GRID1: variants seen among roughly 807,000 people sequenced by gnomAD.
The protein encoded by GRID1 is glutamate ionotropic receptor delta type subunit 1, also known as glutamate receptor ionotropic, delta-1.
Under a neutral mutation model 98.0 loss-of-function variants are expected in GRID1, and 28 were observed. The observed-to-expected ratio is 0.29, with a 90% CI of 0.21 to 0.39. The LOEUF (loss-of-function observed/expected upper bound fraction) is 0.39. GRID1 is among the 10% of genes least tolerant of loss of function. GRID1 has a pLI of 1.00. For missense variants in GRID1, 1,111 were observed against 1,340.5 expected (o/e 0.83, Z 2.67); for synonymous variants, 553 against 538.5 (o/e 1.03, Z -0.37).
At chr10:85,787,432 C>A (rs2132735190) in intron 8 of GRID1, among the ~76,000 whole-genome samples, 1 of 152,236 alleles carries the variant, frequency 6.6e-6, no homozygotes, top group Admixed American at 6.5e-5. Flanking sequence ...TAGCTCCTGC[C>A]ATGTCCTGGG....
chr10:86,095,224 AAACCT>A (rs1844204326), intron 4 of GRID1, among the ~76,000 whole-genome samples: 1 of 152,232 alleles, frequency 6.6e-6, no homozygotes, highest in South Asian at 2.1e-4. Context: ...TTAAGGACTT[AAACCT>A]AAGACCTGAA....
chr10:85,800,160 C>CAAA (rs55648626), intron 8 of GRID1, among the ~76,000 whole-genome samples: 4 of 146,796 alleles, frequency 2.7e-5, no homozygotes, highest in African/African-American at 9.9e-5. Flanking sequence ...TATAGAATTA[C>CAAA]AAAAAAAAAA....
chr10:85,753,055 G>A (rs866710946), intron 8 of GRID1, among the ~76,000 whole-genome samples: 7 of 152,090 alleles, frequency 4.6e-5, no homozygotes, highest in Non-Finnish European at 4.4e-5. Context: ...TCCACAGATC[G>A]GTGCCAGCCT....
At chr10:85,639,639 C>T (rs150450829) in intron 13 of GRID1, among the ~76,000 whole-genome samples, 2,739 of 152,108 alleles carry the variant, frequency 0.018, 33 homozygotes, top group Middle Eastern at 0.048. Flanking sequence ...TTTGGGAGGC[C>T]GAGGCAGGCA....
intron 4 of GRID1, among the ~76,000 whole-genome samples, chr10:86,062,931 C>A (rs1843669030): frequency 6.6e-6 from 1 of 152,254 alleles, no homozygotes; most frequent in South Asian, 2.1e-4. Flanking sequence ...CAGGACCCCT[C>A]TCCCCTTGCC....
At chr10:85,795,337 A>G (rs1271356613) in intron 8 of GRID1, among the ~76,000 whole-genome samples, 1 of 152,192 alleles carries the variant, frequency 6.6e-6, no homozygotes, top group African/African-American at 2.4e-5. Context: ...CTCCCCAAAC[A>G]TATGACAGCA....
At chr10:85,626,695 A>G (rs1458292579) in intron 13 of GRID1, among the ~76,000 whole-genome samples, 1 of 152,150 alleles carries the variant, frequency 6.6e-6, no homozygotes, top group Non-Finnish European at 1.5e-5. Context: ...TCCTATAGTC[A>G]CGTTCATTCA....
At chr10:85,610,067 G>T (rs1195227959) in intron 15 of GRID1, among the ~76,000 whole-genome samples, 1 of 152,164 alleles carries the variant, frequency 6.6e-6, no homozygotes, top group African/African-American at 2.4e-5. Flanking sequence ...AGCACAACTT[G>T]GGCTCCACCC....
intron 3 of GRID1, among the ~76,000 whole-genome samples, chr10:86,162,528 A>T (rs923282864): frequency 2.0e-5 from 3 of 152,210 alleles, no homozygotes; most frequent in African/African-American, 7.2e-5. Context: ...CTTTCCATGG[A>T]TAAGGCACAT....
chr10:85,935,489 G>A (rs1841914546), intron 4 of GRID1, among the ~76,000 whole-genome samples: 1 of 152,164 alleles, frequency 6.6e-6, no homozygotes, highest in Non-Finnish European at 1.5e-5. Flanking sequence ...GTATCAGCCT[G>A]ACCCTCCACA....
At chr10:86,024,760 G>A (rs1330614730) in intron 4 of GRID1, among the ~76,000 whole-genome samples, 1 of 152,130 alleles carries the variant, frequency 6.6e-6, no homozygotes, top group Non-Finnish European at 1.5e-5. Flanking sequence ...GCCCCTAGTG[G>A]TTTCCTGCCC....
At chr10:85,913,036 T>A (rs25435) in intron 5 of GRID1, among the ~76,000 whole-genome samples, 1 of 151,972 alleles carries the variant, frequency 6.6e-6, no homozygotes, top group Non-Finnish European at 1.5e-5. Context: ...ATAAGCCTAC[T>A]TGTAATTTGG....
At chr10:86,248,656 T>C (rs1330718483) in intron 2 of GRID1, among the ~76,000 whole-genome samples, 2 of 143,500 alleles carry the variant, frequency 1.4e-5, no homozygotes, top group Non-Finnish European at 3.0e-5. Context: ...CACTGCAACC[T>C]CCACCACCTG....
At chr10:86,134,126 T>C (rs1358254008) in intron 4 of GRID1, among the ~76,000 whole-genome samples, 2 of 152,178 alleles carry the variant, frequency 1.3e-5, no homozygotes, top group Non-Finnish European at 2.9e-5. Flanking sequence ...GAGGCCTTAG[T>C]GGATGACAGC....
At chr10:86,349,262 G>A (rs928803765) in intron 2 of GRID1, among the ~76,000 whole-genome samples, 1 of 152,180 alleles carries the variant, frequency 6.6e-6, no homozygotes, top group Non-Finnish European at 1.5e-5. Context: ...GGGGGAAGAG[G>A]GGCTCCTAAG....
At chr10:86,306,097 G>A (rs1210134041) in intron 2 of GRID1, among the ~76,000 whole-genome samples, 1 of 152,220 alleles carries the variant, frequency 6.6e-6, no homozygotes, top group Non-Finnish European at 1.5e-5. Flanking sequence ...TGTGGATGCA[G>A]AGAGGAGGAA....
intron 4 of GRID1, among the ~76,000 whole-genome samples, chr10:86,015,860 T>C (rs1842973792): frequency 6.6e-6 from 1 of 152,138 alleles, no homozygotes; most frequent in Admixed American, 6.5e-5. Flanking sequence ...TTATTACAGA[T>C]GTGGCCAGAA....
chr10:86,042,122 CCAG>C (rs1843355228), intron 4 of GRID1, among the ~76,000 whole-genome samples: 1 of 152,186 alleles, frequency 6.6e-6, no homozygotes, highest in South Asian at 2.1e-4. Context: ...GGGAGGGTCT[CCAG>C]AGGGGCCTTA....
intron 13 of GRID1, among the ~76,000 whole-genome samples, chr10:85,636,934 T>G (rs1431544035): frequency 6.6e-6 from 1 of 152,124 alleles, no homozygotes; most frequent in East Asian, 1.9e-4. Context: ...ACATTAGGCA[T>G]AAAGATGTTC....
Sources: allele counts gnomAD v4.1 joint callset (sites outside exome capture counted in the v4.1 genomes callset), GRCh38; gene constraint gnomAD v4.1.1; transcripts MANE v1.5; gene names NCBI Gene and HGNC (gene_info 2026-07-23, HGNC 2026-07-21).